RAB28: variants seen among roughly 807,000 people sequenced by gnomAD.
RAB28 encodes RAB28, member RAS oncogene family.
In RAB28, 24 loss-of-function variants were observed where a neutral mutation model predicts 31.7. The ratio of observed to expected loss-of-function variants is 0.76; its 90% CI spans 0.55 to 1.06. The LOEUF is 1.06. RAB28 is among the 50% of genes least tolerant of loss of function. The probability of loss-of-function intolerance (pLI) is 0.00; values close to 1 mark genes in which losing one functional copy is unlikely to be tolerated. For synonymous variants in RAB28, 100 were observed against 90.4 expected (o/e 1.11, Z -0.60); for missense variants, 254 against 258.5 (o/e 0.98, Z 0.12).
chr4:13,390,807 G>C (rs958471101), intron 4 of RAB28, among the ~76,000 whole-genome samples: 10 of 152,226 alleles, frequency 6.6e-5, no homozygotes, highest in African/African-American at 2.4e-4. Context: ...AATGGGGAAA[G>C]GATTCCCTAT....
chr4:13,445,793 C>T (rs186493763), intron 4 of RAB28, among the ~76,000 whole-genome samples: 289 of 152,334 alleles, frequency 1.9e-3, no homozygotes, highest in African/African-American at 6.7e-3. Context: ...TGTCTGTGAA[C>T]CCCTGTTGGG....
At position 13,484,099 on chromosome 4, in the gene RAB28, G is replaced by A. The variant is rs919996288; in HGVS notation, c.52C>T (p.Leu18=). Residue 18 remains leucine, a synonymous_variant, in exon 1 of 7, where the codon CTG becomes TTG. Coordinates refer to ENST00000330852, the MANE Select transcript of RAB28 (RefSeq NM_001017979.3). The stretch of plus-strand genomic sequence containing the variant: ...ACCTTCCCGGAGGCGCCGTCCCCCA[G>A]CACGACGATTTTCAGTTGCCGGTCC... ...SQDRQLKIVV[L]GDGASGKTSL... is the part of the protein sequence containing the mutation. 1.1e-5 allele frequency: 18 copies of A among 1,602,332 alleles called. No individual in the cohort carries two copies. Among genetic ancestry groups the A allele is most frequent in the Non-Finnish European group, 1.5e-5 (18 of 1,174,968 alleles).
chr4:13,391,062 A>C (rs1478088060), intron 4 of RAB28, among the ~76,000 whole-genome samples: 1 of 152,220 alleles, frequency 6.6e-6, no homozygotes, highest in East Asian at 1.9e-4. Context: ...AATGGGATCT[A>C]ATTAAACTAA....
chr4:13,479,639 C>T lies in RAB28; in HGVS notation c.76-113G>A, dbSNP rs138287317. ...TGTATATTGCAATTAATCCAACAAG[C>T]AAATTTAAGCAGTTCTAATCAGTTA... On this transcript the variant is annotated intron_variant, in intron 1 of 6. Transcript: ENST00000330852. 5.9e-5 allele frequency: 41 copies of T among 700,582 alleles called. No homozygotes were observed. In the African/African-American group the frequency reaches 7.3e-4, roughly 12 times the overall value. The allele number at this position is 700,582 out of a possible 1,614,324, so 43.4% of individuals were successfully genotyped here.
intron 4 of RAB28, among the ~76,000 whole-genome samples, chr4:13,410,692 T>A (rs181073130): frequency 6.6e-6 from 1 of 151,778 alleles, no homozygotes; most frequent in Non-Finnish European, 1.5e-5. Context: ...TAAAGAACAA[T>A]GCAAAAGAAA....
chr4:13,471,364 G>A (rs560495851), intron 3 of RAB28, among the ~76,000 whole-genome samples: 1 of 152,192 alleles, frequency 6.6e-6, no homozygotes, highest in East Asian at 1.9e-4. Flanking sequence ...TAAATAATGA[G>A]TCACAGCTTC....
intron 4 of RAB28, among the ~76,000 whole-genome samples, chr4:13,419,758 A>G (rs1713010662): frequency 6.6e-6 from 1 of 152,204 alleles, no homozygotes; most frequent in Non-Finnish European, 1.5e-5. Context: ...AGCAGTGTGT[A>G]GAGGGAAATT....
chr4:13,401,986 T>C (rs1711791279), intron 4 of RAB28, among the ~76,000 whole-genome samples: 1 of 152,344 alleles, frequency 6.6e-6, no homozygotes, highest in African/African-American at 2.4e-5. Flanking sequence ...TTTGTTCAAT[T>C]CAATGTATTT....
At position 13,394,759 on chromosome 4, in the gene RAB28, G is replaced by A. The variant is rs192538874; in HGVS notation, c.392-13165C>T. On this transcript the variant is annotated intron_variant, in intron 4 of 6. Transcript: ENST00000330852. ...AATAATGGAAAACCATTGTAAGGTTGTAACCAACAGCACAATATGATTTTG... is the reference window on the plus strand; with the variant it reads ...AATAATGGAAAACCATTGTAAGGTTATAACCAACAGCACAATATGATTTTG... 3.6e-3 allele frequency among the ~76,000 whole-genome samples: 547 copies of A among 152,274 alleles called. 6 individuals are homozygous for A. Among genetic ancestry groups the A allele is most frequent in the Non-Finnish European group, 4.8e-3 (326 of 68,020 alleles).
chr4:13,466,554 G>T (rs931595025), intron 3 of RAB28, among the ~76,000 whole-genome samples: 8 of 151,940 alleles, frequency 5.3e-5, no homozygotes, highest in Non-Finnish European at 1.2e-4. Context: ...ACAAGTATCA[G>T]TGAGAATATA....
intron 4 of RAB28, chr4:13,460,005 T>A: frequency 2.5e-6 from 2 of 790,064 alleles, no homozygotes; most frequent in East Asian, 6.5e-5. Flanking sequence ...GCAGTTATAA[T>A]AGACCACGCA....
intron 4 of RAB28, among the ~76,000 whole-genome samples, chr4:13,436,552 A>G (rs1299378051): frequency 6.6e-6 from 1 of 152,132 alleles, no homozygotes; most frequent in East Asian, 1.9e-4. Flanking sequence ...ATTTCTATAC[A>G]CCAATAATGT....
At chr4:13,412,199 G>A (rs1712478077) in intron 4 of RAB28, among the ~76,000 whole-genome samples, 1 of 152,070 alleles carries the variant, frequency 6.6e-6, no homozygotes, top group Admixed American at 6.5e-5. Flanking sequence ...GCTAACAGAG[G>A]AGAGCTATCC....
At chr4:13,474,201 C>T (rs116326180) in intron 3 of RAB28, 117 bp downstream of exon 3, 29,232 of 785,870 alleles carry the variant, frequency 0.037, 697 homozygotes, top group Non-Finnish European at 0.052. Flanking sequence ...ATTCTCTCTA[C>T]GTATCAGATA....
intron 4 of RAB28, among the ~76,000 whole-genome samples, chr4:13,454,350 G>A (rs1434979095): frequency 6.6e-6 from 1 of 152,062 alleles, no homozygotes; most frequent in Non-Finnish European, 1.5e-5. Flanking sequence ...TATGATTAAA[G>A]TCTATTACTG....
At chr4:13,441,813 G>A (rs867650792) in intron 4 of RAB28, among the ~76,000 whole-genome samples, 1 of 152,190 alleles carries the variant, frequency 6.6e-6, no homozygotes. Flanking sequence ...AGCTGGAGCA[G>A]TGCAACCACA....
intron 4 of RAB28, among the ~76,000 whole-genome samples, chr4:13,447,400 G>A (rs147714595): frequency 3.3e-5 from 5 of 151,804 alleles, no homozygotes; most frequent in East Asian, 1.9e-4. Context: ...CCCTGCCTGC[G>A]CCTTAGTTTC....
At chr4:13,439,733 T>C (rs761101364) in intron 4 of RAB28, among the ~76,000 whole-genome samples, 16 of 152,330 alleles carry the variant, frequency 1.1e-4, no homozygotes, top group Admixed American at 5.9e-4. Context: ...TTTGTTGTTG[T>C]TATCTTCTTT....
At chr4:13,427,810 G>T (rs1364091215) in intron 4 of RAB28, among the ~76,000 whole-genome samples, 1 of 152,128 alleles carries the variant, frequency 6.6e-6, no homozygotes, top group Non-Finnish European at 1.5e-5. Context: ...AACACTTTTG[G>T]AATGGGGCTA....
Sources: gnomAD v4.1 joint callset for allele counts (sites outside exome capture counted in the v4.1 genomes callset) on GRCh38, gnomAD v4.1.1 for gene constraint, MANE v1.5 for transcripts, NCBI Gene and HGNC (gene_info 2026-07-23, HGNC 2026-07-21) for gene names.